Variants in CHST11 observed in about 807,000 individuals in gnomAD.
CHST11 encodes the protein C4S-1.
Under a neutral mutation model 30.4 loss-of-function variants are expected in CHST11, and 9 were observed. The ratio of observed to expected loss-of-function variants is 0.30; its 90% CI spans 0.18 to 0.52. The LOEUF is 0.52. Ranked by LOEUF, CHST11 falls within the 20% of genes least tolerant of loss-of-function variation. CHST11 has a pLI of 0.97. For synonymous variants in CHST11, 152 were observed against 187.8 expected, an observed-to-expected ratio of 0.81 and a Z score of 1.56; for missense variants, 348 against 460.6, an observed-to-expected ratio of 0.76 and a Z score of 2.24.
intron 1 of CHST11, among the ~76,000 whole-genome samples, chr12:104,539,483 T>G (rs553949524): frequency 2.0e-5 from 3 of 152,176 alleles, no homozygotes; most frequent in Admixed American, 2.0e-4. Context: ...GGGGATACGA[T>G]GAAATATTTA....
rs570685160 is a variant in CHST11, at chr12:104,565,835, C to T, written c.119-36071C>T. 1.5e-4 allele frequency among the ~76,000 whole-genome samples: 23 copies of T among 152,320 alleles called. No individual in the cohort carries two copies. The South Asian group carries it at 4.8e-3, about 32-fold the overall frequency. Reference sequence around the variant, plus strand: ...GAAATTGGGCAGACTTCTGGCTCACCTCTTAGAGAGAAAGGAACACTGTGT... The same window carrying T: ...GAAATTGGGCAGACTTCTGGCTCACTTCTTAGAGAGAAAGGAACACTGTGT... On this transcript the variant is annotated intron_variant, in intron 1 of 2. Coordinates refer to ENST00000303694, the MANE Select transcript of CHST11 (RefSeq NM_018413.6).
intron 1 of CHST11, among the ~76,000 whole-genome samples, chr12:104,489,580 G>C (rs577177293): frequency 3.3e-5 from 5 of 152,264 alleles, no homozygotes; most frequent in African/African-American, 1.2e-4. Flanking sequence ...CTGGGTTCAA[G>C]TGATTCTTCT....
At chr12:104,650,746 G>A (rs1176673169) in intron 2 of CHST11, among the ~76,000 whole-genome samples, 2 of 152,228 alleles carry the variant, frequency 1.3e-5, no homozygotes, top group Non-Finnish European at 1.5e-5. Context: ...TTTGATCTGA[G>A]CCTAAAACGT....
chr12:104,575,317 G>A (rs2038673676), intron 1 of CHST11, among the ~76,000 whole-genome samples: 3 of 150,888 alleles, frequency 2.0e-5, no homozygotes, highest in Admixed American at 2.0e-4. Flanking sequence ...TTTTCTGAGT[G>A]TCTGCTGTGT....
At chr12:104,605,152 CAAAA>C (rs3039180) in intron 2 of CHST11, among the ~76,000 whole-genome samples, 7 of 93,510 alleles carry the variant, frequency 7.5e-5, no homozygotes, top group Admixed American at 1.2e-4. Context: ...ATCCCCTCTC[CAAAA>C]AAAAAAAAAA....
intron 2 of CHST11, among the ~76,000 whole-genome samples, chr12:104,745,832 T>G (rs2040385312): frequency 6.6e-6 from 1 of 152,190 alleles, no homozygotes; most frequent in Admixed American, 6.5e-5. Context: ...CTTAAGAAGC[T>G]TTTGGGCTCA....
chr12:104,735,107 A>G (rs2559634), intron 2 of CHST11, among the ~76,000 whole-genome samples: 78,498 of 151,582 alleles, frequency 0.52, 20,413 homozygotes, highest in East Asian at 0.65. Flanking sequence ...AGAGGTAGGG[A>G]TCTATGGGTA....
chr12:104,513,154 A>AG (rs2037986598), intron 1 of CHST11, among the ~76,000 whole-genome samples: 1 of 13,236 alleles, frequency 7.6e-5, no homozygotes, highest in Non-Finnish European at 1.5e-4. Flanking sequence ...GTGGGGAGGG[A>AG]GGGAGAGGTG....
chr12:104,620,778 A>C (rs1032392317), intron 2 of CHST11, among the ~76,000 whole-genome samples: 3 of 152,088 alleles, frequency 2.0e-5, no homozygotes, highest in Non-Finnish European at 4.4e-5. Context: ...CTTTCTTTTC[A>C]CTAACACAAA....
At chr12:104,568,009 G>A (rs900419563) in intron 1 of CHST11, among the ~76,000 whole-genome samples, 9 of 152,184 alleles carry the variant, frequency 5.9e-5, no homozygotes, top group African/African-American at 1.9e-4. Flanking sequence ...AGGATATTTT[G>A]TTATAGCAGC....
rs531739686 is a variant in CHST11, at chr12:104,508,912, C to T, written c.118+51383C>T. 3.3e-5 allele frequency among the ~76,000 whole-genome samples: 5 copies of T among 152,064 alleles called. No individual in the cohort carries two copies. The East Asian group carries it at 9.7e-4, about 29-fold the overall frequency. On this transcript the variant is annotated intron_variant, in intron 1 of 2. Transcript: ENST00000303694. ...CTGTTTCTACCACTACCACAACAAC[C>T]ACCACTGCCGCGCCACCACCACCAT... is the stretch of plus-strand genomic sequence containing the variant.
At chr12:104,593,719 C>A (rs191982921) in intron 1 of CHST11, among the ~76,000 whole-genome samples, 10 of 152,276 alleles carry the variant, frequency 6.6e-5, no homozygotes, top group Admixed American at 6.5e-5. Flanking sequence ...CAGTCCTTAA[C>A]TTCTTTGAGC....
At chr12:104,743,625 C>A (rs1307488686) in intron 2 of CHST11, among the ~76,000 whole-genome samples, 1 of 152,172 alleles carries the variant, frequency 6.6e-6, no homozygotes, top group Non-Finnish European at 1.5e-5. Context: ...ATTTTTCTAA[C>A]TTTTAAGTTC....
At chr12:104,725,465 A>C (rs2040209546) in intron 2 of CHST11, among the ~76,000 whole-genome samples, 1 of 151,476 alleles carries the variant, frequency 6.6e-6, no homozygotes, top group Non-Finnish European at 1.5e-5. Flanking sequence ...CACAGTTCTC[A>C]GGTTCCTTTC....
At chr12:104,752,117 G>T (rs1400940840) in intron 2 of CHST11, among the ~76,000 whole-genome samples, 2 of 152,168 alleles carry the variant, frequency 1.3e-5, no homozygotes, top group African/African-American at 4.8e-5. Context: ...CAAGCTGTTG[G>T]CAGGGCATGC....
chr12:104,474,969 T>C (rs546267125), intron 1 of CHST11, among the ~76,000 whole-genome samples: 2 of 152,354 alleles, frequency 1.3e-5, no homozygotes, highest in African/African-American at 4.8e-5. Flanking sequence ...TTTTGGGTTC[T>C]GAGTAAAATT....
At chr12:104,580,748 G>A (rs987716668) in intron 1 of CHST11, among the ~76,000 whole-genome samples, 1 of 152,226 alleles carries the variant, frequency 6.6e-6, no homozygotes, top group East Asian at 1.9e-4. Flanking sequence ...GGAAGGAAGG[G>A]GAATTTTCAT....
chr12:104,746,635 T>C (rs909136831), intron 2 of CHST11, among the ~76,000 whole-genome samples: 3 of 152,224 alleles, frequency 2.0e-5, no homozygotes, highest in Non-Finnish European at 4.4e-5. Flanking sequence ...GATTCAGTTG[T>C]TGTTCCTTGC....
intron 2 of CHST11, among the ~76,000 whole-genome samples, chr12:104,727,652 G>A (rs1432541903): frequency 6.6e-6 from 1 of 152,130 alleles, no homozygotes; most frequent in Admixed American, 6.5e-5. Context: ...TTTTATAATC[G>A]AGTATAGACA....
Sources: allele counts gnomAD v4.1 joint callset (sites outside exome capture counted in the v4.1 genomes callset), GRCh38; gene constraint gnomAD v4.1.1; transcripts MANE v1.5; gene names NCBI Gene and HGNC (gene_info 2026-07-23, HGNC 2026-07-21).